Variants in NUP54 observed in about 807,000 individuals in gnomAD.
The protein encoded by NUP54 is nucleoporin 54.
Under a neutral mutation model 66.4 loss-of-function variants are expected in NUP54, and 27 were observed. That is an observed-to-expected ratio of 0.41 (90% CI 0.30 to 0.56). The LOEUF (loss-of-function observed/expected upper bound fraction) is 0.56. Among genes scored for constraint, NUP54 ranks in the 20% least tolerant of loss-of-function variants. The probability of loss-of-function intolerance (pLI) is 0.34; values close to 1 mark genes in which losing one functional copy is unlikely to be tolerated. For missense variants in NUP54, 486 were observed against 596.3 expected (o/e 0.82, Z 1.93); for synonymous variants, 206 against 210.7 (o/e 0.98, Z 0.19).
At chr4:76,135,004 T>C (rs1013498116) in intron 4 of NUP54, among the ~76,000 whole-genome samples, 9 of 152,166 alleles carry the variant, frequency 5.9e-5, no homozygotes, top group Non-Finnish European at 5.9e-5. Flanking sequence ...TTTTCAATTA[T>C]GATGGGTTTA....
At chr4:76,147,527 T>C (rs1284588857) in intron 1 of NUP54, 3 of 1,289,558 alleles carry the variant, frequency 2.3e-6, no homozygotes, top group South Asian at 1.2e-5. Context: ...GCCGAGGTAG[T>C]AGAAACACCG....
At chr4:76,146,865 CAT>C (rs1301403946) in intron 1 of NUP54, among the ~76,000 whole-genome samples, 11 of 152,204 alleles carry the variant, frequency 7.2e-5, no homozygotes, top group African/African-American at 2.7e-4. Context: ...TGCTATATCA[CAT>C]AAAACTAAAC....
intron 5 of NUP54, among the ~76,000 whole-genome samples, chr4:76,133,308 A>AT (rs1730892310): frequency 1.5e-5 from 2 of 137,700 alleles, no homozygotes; most frequent in Admixed American, 7.4e-5. Context: ...ATAAGATAGT[A>AT]TTTGTTTTTT....
At chr4:76,130,632 G>C in intron 8 of NUP54, 24 bp downstream of exon 8, 1 of 1,492,754 alleles carries the variant, frequency 6.7e-7, no homozygotes, top group Non-Finnish European at 9.3e-7. Context: ...TCCAGGGCCA[G>C]GGAATAAAAA....
In NUP54 at chr4:76,124,634, A is replaced by C. The variant is rs764772993; in HGVS notation, c.1164+15T>G. On this transcript the variant is annotated intron_variant, in intron 9 of 11. Transcript: ENST00000264883. ...TAGTCTTATAAACACTGGGGGGGAAAATCCAAATTACTACCTGTAAAGTTC... is the reference window on the plus strand; with the variant it reads ...TAGTCTTATAAACACTGGGGGGGAACATCCAAATTACTACCTGTAAAGTTC... 7.7e-7 allele frequency: 1 copy of C among 1,304,182 alleles called. No individual in the cohort carries two copies. The highest frequency in any genetic ancestry group is 1.2e-5 in the South Asian group (1 of 82,638). 80.8% of individuals were successfully genotyped at this position (1,304,182 alleles called of 1,614,324 possible).
chr4:76,117,838 T>C (rs1367181195), intron 10 of NUP54, 64 bp from the exon 11 acceptor site: 1 of 1,349,160 alleles, frequency 7.4e-7, no homozygotes, highest in Non-Finnish European at 1.1e-6. Context: ...CAATGTTTTC[T>C]TCTGAAAGGA....
At chr4:76,145,798 A>G in intron 1 of NUP54, 1 of 260,360 alleles carries the variant, frequency 3.8e-6, no homozygotes, top group Non-Finnish European at 7.5e-6. Context: ...ATTCATCAAT[A>G]TTGCAATATA....
rs572997461 is a variant in NUP54, at chr4:76,133,329, G to A, written c.711-610C>T. Among the ~76,000 whole-genome samples, 12 of 150,134 alleles carry A rather than the reference G, an allele frequency of 8.0e-5. No homozygotes were observed. The East Asian group carries it at 2.1e-3, about 27-fold the overall frequency. ...TAGTATTTGTTTTTTTTTTTGAGACGGAGTCTCTCTCTGTCCCTCAGGCTG... is the reference window on the plus strand; with the variant it reads ...TAGTATTTGTTTTTTTTTTTGAGACAGAGTCTCTCTCTGTCCCTCAGGCTG... On this transcript the variant is annotated intron_variant, in intron 5 of 11. Transcript: ENST00000264883.
intron 11 of NUP54, among the ~76,000 whole-genome samples, chr4:76,116,641 A>G (rs1282702238): frequency 6.6e-6 from 1 of 152,216 alleles, no homozygotes; most frequent in African/African-American, 2.4e-5. Flanking sequence ...ATCAATAACC[A>G]AATGTTTATA....
chr4:76,131,417 G>A, intron 6 of NUP54, 133 bp from the exon 7 acceptor site: 2 of 515,364 alleles, frequency 3.9e-6, no homozygotes, highest in South Asian at 3.7e-5. Context: ...TATAATCATG[G>A]TAAAAATACA....
chr4:76,142,172 CTT>C (rs1006184445), intron 3 of NUP54, among the ~76,000 whole-genome samples: 1 of 152,162 alleles, frequency 6.6e-6, no homozygotes, highest in African/African-American at 2.4e-5. Context: ...GTTGGAGAGA[CTT>C]TATTTCAAGA....
intron 8 of NUP54, among the ~76,000 whole-genome samples, chr4:76,130,115 G>A (rs557223868): frequency 2.7e-5 from 4 of 150,824 alleles, no homozygotes; most frequent in African/African-American, 9.7e-5. Flanking sequence ...CAAGTTGCTG[G>A]CATTACAGGC....
chr4:76,115,954 G>A (rs1729933464), intron 11 of NUP54, among the ~76,000 whole-genome samples: 1 of 152,176 alleles, frequency 6.6e-6, no homozygotes, highest in Non-Finnish European at 1.5e-5. Flanking sequence ...TTAAGGTGCT[G>A]TTTTAACAGT....
Position 76,145,718 on chromosome 4 carries a change from A to G in NUP54, c.68-1245T>C, listed in dbSNP as rs1731470800. Reference sequence around the variant, plus strand: ...TTTCAAGACAAATGTTTGAACCATTAGTGTCGAATTATATTGCAGATTTTT... The same window carrying G: ...TTTCAAGACAAATGTTTGAACCATTGGTGTCGAATTATATTGCAGATTTTT... On this transcript the variant is annotated intron_variant, in intron 1 of 11. Coordinates refer to ENST00000264883, the MANE Select transcript of NUP54 (RefSeq NM_017426.4). 2.7e-5 allele frequency: 9 copies of G among 336,422 alleles called. No homozygotes were observed. In the South Asian group the frequency reaches 2.7e-4, roughly 10 times the overall value. The allele number at this position is 336,422 out of a possible 1,614,324, so 20.8% of individuals were successfully genotyped here.
chr4:76,146,584 AAAT>A (rs1472321673), intron 1 of NUP54, among the ~76,000 whole-genome samples: 4 of 115,186 alleles, frequency 3.5e-5, no homozygotes, highest in African/African-American at 1.1e-4. Context: ...TTTAGGGAGT[AAAT>A]AATGTTTATC....
In NUP54 at chr4:76,129,688, A is replaced by AC. The variant is rs1402379045; in HGVS notation, c.1056+967dup. On this transcript the variant is annotated intron_variant, in intron 8 of 11. Coordinates refer to ENST00000264883, the MANE Select transcript of NUP54 (RefSeq NM_017426.4). ...AGACCATCCTGGTTAACACGGTGAA[A>AC]CCCCGTCTCTACTAAAAATACAAAA... 1.4e-4 allele frequency among the ~76,000 whole-genome samples: 22 copies of AC among 151,832 alleles called. No individual in the cohort carries two copies. In the East Asian group the frequency reaches 3.7e-3, roughly 26 times the overall value.
intron 1 of NUP54, chr4:76,145,647 CTTA>C (rs1731467955): frequency 9.5e-7 from 1 of 1,055,688 alleles, no homozygotes; most frequent in African/African-American, 1.7e-5. Flanking sequence ...ATTTTTGTAA[CTTA>C]TTGTCAGTCT....
At chr4:76,116,251 A>C (rs905541643) in intron 11 of NUP54, among the ~76,000 whole-genome samples, 1 of 152,240 alleles carries the variant, frequency 6.6e-6, no homozygotes, top group Non-Finnish European at 1.5e-5. Context: ...AAAACAATGG[A>C]ATATAATTGG....
At chr4:76,145,593 T>C (rs1003618212) in intron 1 of NUP54, 1 of 1,270,956 alleles carries the variant, frequency 7.9e-7, no homozygotes, top group Non-Finnish European at 1.0e-6. Context: ...AGGAAGAGAT[T>C]TGACAGATAA....
Sources: allele counts gnomAD v4.1 joint callset (sites outside exome capture counted in the v4.1 genomes callset), GRCh38; gene constraint gnomAD v4.1.1; transcripts MANE v1.5; gene names NCBI Gene and HGNC (gene_info 2026-07-23, HGNC 2026-07-21).